Variants in MSI2 observed in about 807,000 individuals in gnomAD.
MSI2 encodes the protein musashi RNA binding protein 2.
A neutral mutation model predicts 45.6 loss-of-function variants in MSI2; 17 were observed. The observed-to-expected ratio is 0.37, with a 90% CI of 0.26 to 0.56. The LOEUF (loss-of-function observed/expected upper bound fraction) is 0.56, where lower values mean the gene tolerates loss of function less well. MSI2 is among the 20% of genes least tolerant of loss of function. MSI2 has a pLI of 0.77. For synonymous variants in MSI2, 156 were observed against 158.2 expected (o/e 0.99, Z 0.11); for missense variants, 293 against 444.2 (o/e 0.66, Z 3.06).
chr17:57,259,233 A>G (rs1326578028), intron 4 of MSI2, among the ~76,000 whole-genome samples: 1 of 152,094 alleles, frequency 6.6e-6, no homozygotes, highest in Admixed American at 6.5e-5. Context: ...CCCCAAACAG[A>G]GGCCTTAAGA....
At chr17:57,491,780 G>T (rs2085877210) in intron 6 of MSI2, among the ~76,000 whole-genome samples, 1 of 152,094 alleles carries the variant, frequency 6.6e-6, no homozygotes. Flanking sequence ...CTGCTCTAAT[G>T]ATAGGCATAT....
chr17:57,563,377 A>G (rs1260157183), intron 7 of MSI2, among the ~76,000 whole-genome samples: 1 of 151,968 alleles, frequency 6.6e-6, no homozygotes, highest in Admixed American at 6.6e-5. Flanking sequence ...CTCCAGCCCT[A>G]CACTTGGGGA....
chr17:57,663,438 G>T (rs1189308162), intron 11 of MSI2, among the ~76,000 whole-genome samples: 5 of 152,310 alleles, frequency 3.3e-5, no homozygotes, highest in Non-Finnish European at 5.9e-5. Context: ...GCCGGGAAAG[G>T]CACCCCAGCC....
chr17:57,337,407 C>T (rs1329752208), intron 5 of MSI2, among the ~76,000 whole-genome samples: 1 of 152,162 alleles, frequency 6.6e-6, no homozygotes, highest in Non-Finnish European at 1.5e-5. Flanking sequence ...CGAATACTCA[C>T]AGCTTTAAAA....
intron 4 of MSI2, 120 bp downstream of exon 4, chr17:57,258,474 C>A: frequency 4.5e-6 from 4 of 896,610 alleles, no homozygotes; most frequent in African/African-American, 1.6e-5. Flanking sequence ...TAGTTTTAAA[C>A]TGAGCTAGCG....
intron 6 of MSI2, among the ~76,000 whole-genome samples, chr17:57,471,625 C>A (rs1192583028): frequency 6.6e-6 from 1 of 152,150 alleles, no homozygotes; most frequent in African/African-American, 2.4e-5. Context: ...TATTACTCTT[C>A]GTGTTTTCTC....
At chr17:57,677,416 G>T (rs1462018024) in intron 13 of MSI2, among the ~76,000 whole-genome samples, 3 of 152,174 alleles carry the variant, frequency 2.0e-5, no homozygotes, top group Non-Finnish European at 4.4e-5. Context: ...CGTCCCAGGG[G>T]GATAGAGGCA....
intron 6 of MSI2, among the ~76,000 whole-genome samples, chr17:57,487,830 G>A (rs887150377): frequency 2.0e-5 from 3 of 151,670 alleles, no homozygotes; most frequent in Middle Eastern, 3.4e-3. Flanking sequence ...ACATCTGCAC[G>A]CATGCCAGCT....
chr17:57,351,225 T>C (rs981544600), intron 5 of MSI2, among the ~76,000 whole-genome samples: 4 of 151,882 alleles, frequency 2.6e-5, no homozygotes, highest in African/African-American at 9.7e-5. Context: ...GAGCAGATGA[T>C]GGTTCTGGAG....
intron 5 of MSI2, among the ~76,000 whole-genome samples, chr17:57,290,572 C>T (rs1910318773): frequency 1.3e-5 from 2 of 152,214 alleles, no homozygotes; most frequent in African/African-American, 4.8e-5. Context: ...CTTGGCCTCT[C>T]CAAATGTTGG....
intron 7 of MSI2, among the ~76,000 whole-genome samples, chr17:57,540,655 C>T (rs2087023801): frequency 6.6e-6 from 1 of 152,148 alleles, no homozygotes; most frequent in African/African-American, 2.4e-5. Context: ...CACATGACCT[C>T]AGAGGCAGGG....
intron 5 of MSI2, among the ~76,000 whole-genome samples, chr17:57,339,679 A>G (rs1386494603): frequency 6.6e-6 from 1 of 152,152 alleles, no homozygotes; most frequent in East Asian, 1.9e-4. Context: ...CCAAGGAAAG[A>G]TGCTCATGCA....
In MSI2 at chr17:57,355,051, G is replaced by A. The variant is rs539855768; in HGVS notation, c.313-46328G>A. Reference sequence around the variant, plus strand: ...CAACTCAAAGGAACCCAACCAGAAAGGAGAATACCTTGGCCCACATAACTG... The same window carrying A: ...CAACTCAAAGGAACCCAACCAGAAAAGAGAATACCTTGGCCCACATAACTG... On this transcript the variant is annotated intron_variant, in intron 5 of 13. Coordinates refer to ENST00000284073, the MANE Select transcript of MSI2 (RefSeq NM_138962.4). Among the ~76,000 whole-genome samples the A allele has an allele frequency of 5.3e-5, 8 of 152,322 alleles. No homozygotes were observed. The East Asian group carries it at 9.6e-4, about 18-fold the overall frequency.
In MSI2 at chr17:57,681,941, T is replaced by C. The variant is rs1442508157; in HGVS notation, c.*2424T>C. ...TGTACTTCCCTTCCTTTTCTCTGCA[T>C]CCCCCATCACCTCATAGAAGACTCT... On this transcript the variant is annotated 3_prime_UTR_variant, in exon 14 of 14. Coordinates refer to ENST00000284073, the MANE Select transcript of MSI2 (RefSeq NM_138962.4). 1.4e-5 allele frequency: 3 copies of C among 211,530 alleles called. No individual in the cohort carries two copies. The East Asian group carries it at 2.1e-4, about 15-fold the overall frequency. The allele number at this position is 211,530 out of a possible 1,614,324, so 13.1% of individuals were successfully genotyped here.
At position 57,503,065 on chromosome 17, in the gene MSI2, C is replaced by T. The variant is rs566759794; in HGVS notation, c.406-26611C>T. On this transcript the variant is annotated intron_variant, in intron 6 of 13. Coordinates refer to ENST00000284073, the MANE Select transcript of MSI2 (RefSeq NM_138962.4). ...TGGAGTTTTCCTTTTAATTCATGCA[C>T]ATTCACCAGGCCTATCTCCGTCTGT... 1.5e-4 allele frequency among the ~76,000 whole-genome samples: 23 copies of T among 152,214 alleles called. No homozygotes were observed. In the East Asian group the frequency reaches 1.5e-3, roughly 10 times the overall value.
intron 6 of MSI2, among the ~76,000 whole-genome samples, chr17:57,493,887 A>G (rs2085924529): frequency 6.6e-6 from 1 of 152,122 alleles, no homozygotes; most frequent in Non-Finnish European, 1.5e-5. Context: ...CGGAGCAGGG[A>G]AAGTTTTAAT....
At chr17:57,553,814 G>A (rs1047818532) in intron 7 of MSI2, among the ~76,000 whole-genome samples, 2 of 152,204 alleles carry the variant, frequency 1.3e-5, no homozygotes, top group Non-Finnish European at 2.9e-5. Flanking sequence ...AGAGCCGGCA[G>A]CCCTTCTGTG....
At chr17:57,603,415 G>A (rs1346934087) in intron 8 of MSI2, among the ~76,000 whole-genome samples, 1 of 152,220 alleles carries the variant, frequency 6.6e-6, no homozygotes, top group Non-Finnish European at 1.5e-5. Flanking sequence ...TGGTGATTCT[G>A]TAACCACAGG....
At chr17:57,480,032 C>T (rs1464831668) in intron 6 of MSI2, among the ~76,000 whole-genome samples, 3 of 152,142 alleles carry the variant, frequency 2.0e-5, no homozygotes, top group African/African-American at 7.2e-5. Context: ...AGCTGGAGTG[C>T]AGTGGCGCAG....
Sources: gnomAD v4.1 joint callset for allele counts (sites outside exome capture counted in the v4.1 genomes callset) on GRCh38, gnomAD v4.1.1 for gene constraint, MANE v1.5 for transcripts, NCBI Gene and HGNC (gene_info 2026-07-23, HGNC 2026-07-21) for gene names.